The following CFAP77 variants were observed in gnomAD, a reference collection of about 807,000 sequenced individuals.
CFAP77 encodes the protein cilia and flagella associated protein 77.
Under a neutral mutation model 31.1 loss-of-function variants are expected in CFAP77, and 25 were observed. The observed-to-expected ratio is 0.80, with a 90% CI of 0.59 to 1.12. CFAP77 has a LOEUF of 1.12. Among genes scored for constraint, CFAP77 ranks in the 50% most tolerant of loss-of-function variants. The pLI, the probability that CFAP77 is intolerant of heterozygous loss-of-function variation, is 0.00. For synonymous variants in CFAP77, 151 were observed against 159.9 expected, an observed-to-expected ratio of 0.94 and a Z score of 0.42; for missense variants, 377 against 397.3, an observed-to-expected ratio of 0.95 and a Z score of 0.44.
At position 132,499,226 on chromosome 9, in the gene CFAP77, T is replaced by C; in HGVS notation, c.296-146T>C. 1 of 693,384 alleles carries C rather than the reference T, an allele frequency of 1.4e-6. No individual in the cohort carries two copies. The highest frequency in any genetic ancestry group is 1.9e-5 in the South Asian group (1 of 53,348). 43.0% of individuals were successfully genotyped at this position (693,384 alleles called of 1,614,324 possible). On this transcript the variant is annotated intron_variant, in intron 2 of 5. Transcript: ENST00000393216. The surrounding 1 kb of genome is among the most constrained non-coding windows in gnomAD (Gnocchi z 5.4). ...CGCCGTTTTGGGCCATCATGCTTTCTGGGGGCCAGGCAGGGTTGTCACCCA... is the reference window on the plus strand; with the variant it reads ...CGCCGTTTTGGGCCATCATGCTTTCCGGGGGCCAGGCAGGGTTGTCACCCA...
In CFAP77 at chr9:132,499,935, G is replaced by C. The variant is rs1851814757; in HGVS notation, c.524+335G>C. Among the ~76,000 whole-genome samples the C allele has an allele frequency of 6.6e-6, 1 of 152,142 alleles. No homozygotes were observed. Among genetic ancestry groups the C allele is most frequent in the African/African-American group, 2.4e-5 (1 of 41,420 alleles). On this transcript the variant is annotated intron_variant, in intron 3 of 5. Transcript: ENST00000393216. This position sits in a 1 kb window ranked among gnomAD's most constrained non-coding sequence, Gnocchi z 5.4. Reference sequence around the variant, plus strand: ...GGAGGCCCATGTAGGAGGATCGCTTGAGTCCAGGAATTCGAGGCCAGGCTG... The same window carrying C: ...GGAGGCCCATGTAGGAGGATCGCTTCAGTCCAGGAATTCGAGGCCAGGCTG...
At chr9:132,534,610 CAAAA>C (rs201151199) in intron 3 of CFAP77, among the ~76,000 whole-genome samples, 7 of 64,112 alleles carry the variant, frequency 1.1e-4, no homozygotes, top group Admixed American at 1.9e-4. Context: ...GACTCTGTCT[CAAAA>C]AAAAAAAAAA....
intron 1 of CFAP77, chr9:132,482,455 G>GA: frequency 6.4e-7 from 1 of 1,559,772 alleles, no homozygotes; most frequent in Non-Finnish European, 8.8e-7. Context: ...TCACCCTGGA[G>GA]AAAAAGGGGA....
In CFAP77 at chr9:132,572,616, TC is replaced by T. The variant is rs1307263308; in HGVS notation, c.*107del. On this transcript the variant is annotated 3_prime_UTR_variant, in exon 6 of 6. Transcript: ENST00000393216. ...GACATTCCCCCATTTTTATGCAGGT[TC>T]TGCTTCAAGGAGCTCAGATTCAAGT... The T allele has an allele frequency of 6.4e-5, 77 of 1,199,470 alleles. No individual in the cohort carries two copies. The highest frequency in any genetic ancestry group is 8.5e-5 in the Non-Finnish European group (74 of 869,120). The allele number at this position is 1,199,470 out of a possible 1,614,324, so 74.3% of individuals were successfully genotyped here.
At chr9:132,493,862 CTCTTTTCTTTT>C (rs1851692691) in intron 1 of CFAP77, among the ~76,000 whole-genome samples, 2 of 151,144 alleles carry the variant, frequency 1.3e-5, no homozygotes, top group Admixed American at 6.6e-5. Context: ...CTTTTCTTTT[CTCTTTTCTTTT>C]CTTTCCTTTT....
intron 3 of CFAP77, among the ~76,000 whole-genome samples, chr9:132,535,213 C>A (rs1255718954): frequency 6.6e-6 from 1 of 152,050 alleles, no homozygotes; most frequent in Admixed American, 6.5e-5. Context: ...TTTTCTACTT[C>A]TTTGATTTTA....
intron 1 of CFAP77, among the ~76,000 whole-genome samples, chr9:132,457,736 C>T (rs958996051): frequency 7.2e-5 from 11 of 152,234 alleles, no homozygotes; most frequent in Non-Finnish European, 1.2e-4. Context: ...TTCAAGTCTC[C>T]TCCGGCAGTC....
chr9:132,482,690 A>T (rs940331300), intron 1 of CFAP77, among the ~76,000 whole-genome samples: 1 of 151,370 alleles, frequency 6.6e-6, no homozygotes, highest in African/African-American at 2.4e-5. Flanking sequence ...GCCTGTTGAC[A>T]TCGAGTGGGC....
chr9:132,568,834 G>T (rs1829920980), intron 5 of CFAP77, among the ~76,000 whole-genome samples: 1 of 151,986 alleles, frequency 6.6e-6, no homozygotes. Flanking sequence ...CAAGTAGCTG[G>T]GACTATAGGC....
At chr9:132,548,677 GGC>G (rs201880483) in intron 5 of CFAP77, among the ~76,000 whole-genome samples, 4,121 of 119,702 alleles carry the variant, frequency 0.034, 75 homozygotes, top group Middle Eastern at 0.11. Context: ...TCTGTTGGCT[GGC>G]GGGGGGGTCT....
In CFAP77 at chr9:132,511,290, C is replaced by T. The variant is rs1043743645; in HGVS notation, c.524+11690C>T. ...GAACTCCCTCCCTCCCCACGTTTCT[C>T]TGGACTCACAGGTGCTTTTCCCTCT... On this transcript the variant is annotated intron_variant, in intron 3 of 5. Coordinates refer to ENST00000393216, the MANE Select transcript of CFAP77 (RefSeq NM_001282957.2). The surrounding 1 kb of genome is among the most constrained non-coding windows in gnomAD (Gnocchi z 5.8). Among the ~76,000 whole-genome samples, 3 of 152,176 alleles carry T rather than the reference C, an allele frequency of 2.0e-5. No individual in the cohort carries two copies. The highest frequency in any genetic ancestry group is 4.4e-5 in the Non-Finnish European group (3 of 68,028).
intron 1 of CFAP77, among the ~76,000 whole-genome samples, chr9:132,441,628 G>A (rs1489417539): frequency 6.6e-6 from 1 of 152,212 alleles, no homozygotes; most frequent in Non-Finnish European, 1.5e-5. Context: ...ACGGGAAAAA[G>A]TTGCCAATTA....
intron 3 of CFAP77, among the ~76,000 whole-genome samples, chr9:132,536,707 T>C (rs1852550311): frequency 6.6e-6 from 1 of 152,126 alleles, no homozygotes; most frequent in Admixed American, 6.6e-5. Context: ...AGTTCTACTT[T>C]TATATGTGGT....
intron 5 of CFAP77, among the ~76,000 whole-genome samples, chr9:132,548,231 G>A (rs76417069): frequency 0.04 from 5,925 of 147,730 alleles, 176 homozygotes; most frequent in Middle Eastern, 0.097. Context: ...ACAGACATTC[G>A]GCAGGAGGGC....
intron 1 of CFAP77, chr9:132,482,322 G>A (rs1851463339): frequency 6.2e-7 from 1 of 1,613,604 alleles, no homozygotes. Context: ...TGCCGGCCCG[G>A]CCTCGGTGGG....
chr9:132,571,122 G>A (rs904010034), intron 5 of CFAP77, among the ~76,000 whole-genome samples: 6 of 152,000 alleles, frequency 3.9e-5, no homozygotes, highest in African/African-American at 1.5e-4. Flanking sequence ...TAACCACTCC[G>A]GGGTGGTCAA....
intron 1 of CFAP77, among the ~76,000 whole-genome samples, chr9:132,458,352 G>GGGGGGT (rs1850964150): frequency 1.8e-4 from 18 of 98,634 alleles, no homozygotes; most frequent in South Asian, 6.6e-4. Flanking sequence ...CGGGGGAGGG[G>GGGGGGT]GGGGGGTGTG....
intron 1 of CFAP77, among the ~76,000 whole-genome samples, chr9:132,485,625 C>T (rs574337193): frequency 3.3e-5 from 5 of 152,214 alleles, no homozygotes; most frequent in South Asian, 2.1e-4. Flanking sequence ...GGGAGCTGGC[C>T]GGCAGGTGGC....
chr9:132,427,634 A>C (rs1457838780), intron 1 of CFAP77, among the ~76,000 whole-genome samples: 1 of 152,098 alleles, frequency 6.6e-6, no homozygotes, highest in Non-Finnish European at 1.5e-5. Context: ...CAACAACAAA[A>C]AAACAGATAT....
Sources: allele counts gnomAD v4.1 joint callset (sites outside exome capture counted in the v4.1 genomes callset), GRCh38; gene constraint gnomAD v4.1.1; non-coding constraint Gnocchi (gnomAD v3.1); transcripts MANE v1.5; gene names NCBI Gene and HGNC (gene_info 2026-07-23, HGNC 2026-07-21).